DMD: variants seen among roughly 807,000 people sequenced by gnomAD.
DMD encodes the protein mutant dystrophin.
Under a neutral mutation model 330.1 loss-of-function variants are expected in DMD, and 63 were observed. The ratio of observed to expected loss-of-function variants is 0.19; its 90% confidence interval spans 0.16 to 0.24. DMD has a LOEUF of 0.24. Ranked by LOEUF, DMD falls within the 10% of genes least tolerant of loss-of-function variation. The pLI is 1.00. For missense variants in DMD, 3,344 were observed against 2,684.1 expected (o/e 1.25, Z -5.43); for synonymous variants, 1,223 against 959.8 (o/e 1.27, Z -5.07).
intron 62 of DMD, among the ~76,000 whole-genome samples, chrX:31,310,990 A>G (rs1331272145): frequency 2.7e-5 from 3 of 111,546 alleles, no homozygotes; most frequent in Non-Finnish European, 5.6e-5. Flanking sequence ...CTTCTTTTGC[A>G]CCATGTAGTT....
intron 45 of DMD, among the ~76,000 whole-genome samples, chrX:31,937,589 G>A (rs1161575043): frequency 9.0e-6 from 1 of 111,633 alleles, no homozygotes; most frequent in Non-Finnish European, 1.9e-5. Context: ...AAGCGCATGT[G>A]TTTTCTGAAA....
intron 2 of DMD, among the ~76,000 whole-genome samples, chrX:32,933,715 C>G (rs369396468): frequency 8.9e-6 from 1 of 111,784 alleles, no homozygotes; most frequent in Admixed American, 9.5e-5. Context: ...GGGAAACCAT[C>G]AGAGAGGCAG....
At chrX:31,882,519 C>T (rs1163859721) in intron 47 of DMD, among the ~76,000 whole-genome samples, 1 of 110,975 alleles carries the variant, frequency 9.0e-6, no homozygotes, top group East Asian at 2.8e-4. Context: ...AAAGCATTAG[C>T]CATAAAGGAA....
At chrX:32,818,665 T>C (rs1169705888) in intron 5 of DMD, among the ~76,000 whole-genome samples, 1 of 111,736 alleles carries the variant, frequency 8.9e-6, no homozygotes, top group African/African-American at 3.3e-5. Context: ...CAAGAAGGCA[T>C]GATGGACATG....
intron 44 of DMD, among the ~76,000 whole-genome samples, chrX:32,008,522 T>G (rs527926902): frequency 6.1e-4 from 68 of 112,049 alleles, no homozygotes; most frequent in African/African-American, 2.1e-3. Context: ...ACAACGTGCT[T>G]TGCCATTCTC....
intron 60 of DMD, among the ~76,000 whole-genome samples, chrX:31,367,586 A>G (rs1268839936): frequency 9.0e-6 from 1 of 111,468 alleles, no homozygotes; most frequent in African/African-American, 3.3e-5. Context: ...GATAATTCTG[A>G]CAATCAATAA....
At chrX:32,781,124 A>G (rs2074709533) in intron 7 of DMD, among the ~76,000 whole-genome samples, 10 of 95,211 alleles carry the variant, frequency 1.1e-4, no homozygotes. Flanking sequence ...TCTCAAAAAA[A>G]GAAAAAAAAA....
chrX:32,655,953 G>A (rs903476939), intron 9 of DMD, among the ~76,000 whole-genome samples: 4 of 108,079 alleles, frequency 3.7e-5, no homozygotes, highest in African/African-American at 1.4e-4. Context: ...CAGACACTAG[G>A]ATTGCAACCC....
intron 19 of DMD, among the ~76,000 whole-genome samples, chrX:32,500,643 T>C (rs982054809): frequency 8.9e-6 from 1 of 111,863 alleles, no homozygotes; most frequent in African/African-American, 3.2e-5. Flanking sequence ...TGCTGTTAAG[T>C]TGATCAGTTA....
chrX:31,548,558 C>CTTTTTT (rs754058241), intron 55 of DMD, among the ~76,000 whole-genome samples: 2 of 95,474 alleles, frequency 2.1e-5, no homozygotes, highest in Non-Finnish European at 4.3e-5. Context: ...TTTTCTTTTT[C>CTTTTTT]TTTTTTTTTT....
chrX:31,232,428 C>T (rs1175428574), intron 63 of DMD, among the ~76,000 whole-genome samples: 1 of 111,716 alleles, frequency 9.0e-6, no homozygotes, highest in Non-Finnish European at 1.9e-5. Context: ...ATCAGAGCTC[C>T]AGTATTTTGG....
chrX:32,612,418 C>A (rs1011296136), intron 12 of DMD, among the ~76,000 whole-genome samples: 8 of 111,755 alleles, frequency 7.2e-5, no homozygotes, highest in African/African-American at 2.6e-4. Context: ...TGGCCCAACA[C>A]AAATTTGTAA....
chrX:32,465,559 C>CTTTT (rs5902032), intron 23 of DMD, among the ~76,000 whole-genome samples: 1 of 43,250 alleles, frequency 2.3e-5, no homozygotes, highest in Non-Finnish European at 4.3e-5. Context: ...TTGTTCAGGT[C>CTTTT]TTTTTTTTTT....
At chrX:32,659,837 A>G (rs906324287) in intron 9 of DMD, among the ~76,000 whole-genome samples, 15 of 110,753 alleles carry the variant, frequency 1.4e-4, no homozygotes, top group Non-Finnish European at 2.7e-4. Context: ...CTATTCAAGG[A>G]AAGAGATTCT....
At chrX:33,061,933 T>C (rs763038834) in intron 1 of DMD, among the ~76,000 whole-genome samples, 3 of 111,863 alleles carry the variant, frequency 2.7e-5, no homozygotes, top group African/African-American at 9.7e-5. Flanking sequence ...TAAGTTTCCC[T>C]ATTCACTTTG....
intron 51 of DMD, among the ~76,000 whole-genome samples, chrX:31,742,978 G>A (rs1485402933): frequency 9.0e-6 from 1 of 110,928 alleles, no homozygotes. Flanking sequence ...GAATCTATAG[G>A]GAACTTAAAC....
intron 27 of DMD, among the ~76,000 whole-genome samples, chrX:32,443,499 C>T (rs917917387): frequency 9.0e-6 from 1 of 111,054 alleles, no homozygotes. Context: ...ATATAAATAT[C>T]TTCTTAAATA....
At chrX:32,555,340 A>G (rs1416093496) in intron 16 of DMD, among the ~76,000 whole-genome samples, 1 of 111,629 alleles carries the variant, frequency 9.0e-6, no homozygotes, top group Non-Finnish European at 1.9e-5. Flanking sequence ...CCCACATCCA[A>G]ATGGGCAAAA....
chrX:32,471,313 C>A (rs971928364), intron 22 of DMD, among the ~76,000 whole-genome samples: 2 of 111,885 alleles, frequency 1.8e-5, no homozygotes, highest in Non-Finnish European at 3.8e-5. Flanking sequence ...ATTATAAAAT[C>A]TCTTACAAAT....
Sources: allele counts gnomAD v4.1 joint callset (sites outside exome capture counted in the v4.1 genomes callset), GRCh38; gene constraint gnomAD v4.1.1; transcripts MANE v1.5; gene names NCBI Gene and HGNC (gene_info 2026-07-23, HGNC 2026-07-21).